ZC3H3: variants seen among roughly 807,000 people sequenced by gnomAD.
The protein encoded by ZC3H3 is zinc finger CCCH domain-containing protein 3.
Under a neutral mutation model 77.3 loss-of-function variants are expected in ZC3H3, and 36 were observed. The ratio of observed to expected loss-of-function variants is 0.47; its 90% CI spans 0.36 to 0.61. The LOEUF (loss-of-function observed/expected upper bound fraction) is 0.61, where lower values mean the gene tolerates loss of function less well. ZC3H3 is among the 20% of genes least tolerant of loss of function. The probability of loss-of-function intolerance (pLI) is 0.00; values close to 1 mark genes in which losing one functional copy is unlikely to be tolerated. For missense variants in ZC3H3, 1,331 were observed against 1,312.2 expected (o/e 1.01, Z -0.22); for synonymous variants, 626 against 555.2 (o/e 1.13, Z -1.79).
At chr8:143,540,223 T>C (rs1235225812) in intron 1 of ZC3H3, among the ~76,000 whole-genome samples, 1 of 152,236 alleles carries the variant, frequency 6.6e-6, no homozygotes, top group Non-Finnish European at 1.5e-5. Flanking sequence ...AAAGCTTTTT[T>C]TTGTTTGGTT....
rs1021593694 is a variant in ZC3H3 at position 143,533,283 on chromosome 8, G to A, written c.1561+2974C>T. 2.6e-5 allele frequency among the ~76,000 whole-genome samples: 4 copies of A among 152,174 alleles called. No homozygotes were observed. The South Asian group carries it at 6.2e-4, about 24-fold the overall frequency. On this transcript the variant is annotated intron_variant, in intron 3 of 11. Coordinates refer to ENST00000262577, the MANE Select transcript of ZC3H3 (RefSeq NM_015117.3). This position sits in a 1 kb window ranked among gnomAD's most constrained non-coding sequence, Gnocchi z 4.0. ...TTGTGCTCCAGAACACAGTAAGCTCGTTCCCACCTCCACCTCGGCCTCAGA... is the reference window on the plus strand; with the variant it reads ...TTGTGCTCCAGAACACAGTAAGCTCATTCCCACCTCCACCTCGGCCTCAGA...
In ZC3H3 at chr8:143,468,201, G is replaced by A. The variant is rs373134489; in HGVS notation, c.2175+8C>T. The A allele has an allele frequency of 2.4e-5, 39 of 1,610,002 alleles. No homozygotes were observed. The highest frequency in any genetic ancestry group is 1.8e-4 in the Admixed American group (11 of 59,898). On this transcript the variant is annotated splice_region_variant and intron_variant, in intron 8 of 11. Coordinates refer to ENST00000262577, the MANE Select transcript of ZC3H3 (RefSeq NM_015117.3). ...GCACGGGAGCAGGGCCACCAGCGCC[G>A]CACTCACCTTCTCCTTGGACACATG...
chr8:143,439,304 G>A (rs1819663800), intron 11 of ZC3H3, among the ~76,000 whole-genome samples: 1 of 152,184 alleles, frequency 6.6e-6, no homozygotes, highest in Non-Finnish European at 1.5e-5. Flanking sequence ...GCTCAGCGGA[G>A]CTGTTGCAGA....
Position 143,460,914 on chromosome 8 carries a change from C to T in ZC3H3, c.2307+4803G>A, listed in dbSNP as rs1487805103. Among the ~76,000 whole-genome samples the T allele has an allele frequency of 6.6e-6, 1 of 152,094 alleles. No individual in the cohort carries two copies. Among genetic ancestry groups the T allele is most frequent in the Non-Finnish European group, 1.5e-5 (1 of 68,026 alleles). ...ACTTAGAGGACATAGCTAGAGGAGG[C>T]GCCTTCACTAACTAGTTAGGTGTCT... is the stretch of plus-strand genomic sequence containing the variant. On this transcript the variant is annotated intron_variant, in intron 9 of 11. Transcript: ENST00000262577. The surrounding 1 kb of genome is among the most constrained non-coding windows in gnomAD (Gnocchi z 4.0).
intron 8 of ZC3H3, 111 bp downstream of exon 8, chr8:143,468,098 T>C (rs1820461783): frequency 4.5e-6 from 6 of 1,323,586 alleles, no homozygotes; most frequent in Non-Finnish European, 6.3e-6. Flanking sequence ...AGGGCAGGGA[T>C]CTGCATGTCC....
chr8:143,538,593 C>A lies in ZC3H3; in HGVS notation c.774G>T (p.Gln258His), dbSNP rs769077558. The change falls in exon 2 of 12, where the codon CAG becomes CAT. Residue 258 changes from glutamine (Q) to histidine (H), a missense_variant. Gln to His is a conservative substitution (Grantham distance 24). Transcript: ENST00000262577. ...GSHSVASCAP[Q>H]LLGDRRVDAG... The stretch of plus-strand genomic sequence containing the variant: ...CATCTACTCTCCTGTCCCCAAGGAG[C>A]TGTGGAGCACAGCTGGCCACGGAAT... The A allele has an allele frequency of 1.2e-6, 2 of 1,610,312 alleles. No individual in the cohort carries two copies. Among genetic ancestry groups the A allele is most frequent in the East Asian group, 4.5e-5 (2 of 44,880 alleles).
At position 143,472,799 on chromosome 8, in the gene ZC3H3, G is replaced by A. The variant is rs76270014; in HGVS notation, c.1903+2599C>T. ...CCCTCCGTGGGTCCCGCGGGTGCAC[G>A]GTGCAGGGAGAATCCCAAGGACGCA... On this transcript the variant is annotated intron_variant, in intron 5 of 11. Coordinates refer to ENST00000262577, the MANE Select transcript of ZC3H3 (RefSeq NM_015117.3). 4.6e-3 allele frequency among the ~76,000 whole-genome samples: 696 copies of A among 152,348 alleles called. 6 individuals carry two copies. The highest frequency in any genetic ancestry group is 0.016 in the African/African-American group (664 of 41,582).
intron 3 of ZC3H3, chr8:143,523,640 C>G: frequency 1.4e-6 from 1 of 712,052 alleles, no homozygotes; most frequent in Non-Finnish European, 1.7e-6. Context: ...CTTGGGCAGG[C>G]AGACCCTCTG....
chr8:143,497,353 C>G (rs744780), intron 4 of ZC3H3, among the ~76,000 whole-genome samples: 19,618 of 152,130 alleles, frequency 0.13, 1,859 homozygotes, highest in East Asian at 0.44. Context: ...CCAATCCCCC[C>G]CAACCCCGCC....
rs1820281738 is a variant in ZC3H3 at position 143,462,124 on chromosome 8, G to A, written c.2307+3593C>T. Among the ~76,000 whole-genome samples, 4 of 152,170 alleles carry A rather than the reference G, an allele frequency of 2.6e-5. No individual in the cohort carries two copies. The highest frequency in any genetic ancestry group is 4.4e-5 in the Non-Finnish European group (3 of 68,022). ...CAGCAAACGGCAGCCGACTTGTAGG[G>A]AGGCCTCCCTGTGCCAGGGCCACCC... is the stretch of plus-strand genomic sequence containing the variant. On this transcript the variant is annotated intron_variant, in intron 9 of 11. Transcript: ENST00000262577. This position sits in a 1 kb window ranked among gnomAD's most constrained non-coding sequence, Gnocchi z 4.7.
chr8:143,517,401 G>A (rs1195089694), intron 3 of ZC3H3, among the ~76,000 whole-genome samples: 1 of 152,182 alleles, frequency 6.6e-6, no homozygotes, highest in African/African-American at 2.4e-5. Context: ...GGGCAGGGGT[G>A]CAGAGGAGCA....
chr8:143,505,400 T>G (rs886750622), intron 4 of ZC3H3, among the ~76,000 whole-genome samples: 1 of 152,158 alleles, frequency 6.6e-6, no homozygotes, highest in Non-Finnish European at 1.5e-5. Context: ...CCTTTCTGCC[T>G]AAACAACCCC....
intron 4 of ZC3H3, among the ~76,000 whole-genome samples, chr8:143,502,593 G>A (rs950816325): frequency 6.6e-6 from 1 of 152,242 alleles, no homozygotes; most frequent in African/African-American, 2.4e-5. Context: ...AAAAGCCTCC[G>A]ATTCATCTGC....
intron 1 of ZC3H3, among the ~76,000 whole-genome samples, chr8:143,539,699 G>A (rs149604771): frequency 2.6e-4 from 40 of 152,302 alleles, no homozygotes; most frequent in African/African-American, 8.4e-4. Flanking sequence ...GAATCAGAGG[G>A]GACAAGTGGC....
rs1020795707 is a variant in ZC3H3 at position 143,493,569 on chromosome 8, G to A, written c.1715+14177C>T. 4.6e-5 allele frequency among the ~76,000 whole-genome samples: 7 copies of A among 152,194 alleles called. No individual in the cohort carries two copies. Among genetic ancestry groups the A allele is most frequent in the Admixed American group, 6.5e-5 (1 of 15,278 alleles). ...TGCCAAGGACTCCACTCACAAAGCC[G>A]AAAGGCCTGCCTGCCTCAAACAAAC... is the stretch of plus-strand genomic sequence containing the variant. On this transcript the variant is annotated intron_variant, in intron 4 of 11. Coordinates refer to ENST00000262577, the MANE Select transcript of ZC3H3 (RefSeq NM_015117.3). This position sits in a 1 kb window ranked among gnomAD's most constrained non-coding sequence, Gnocchi z 4.8.
chr8:143,528,101 C>T (rs940337347), intron 3 of ZC3H3, among the ~76,000 whole-genome samples: 16 of 152,304 alleles, frequency 1.1e-4, no homozygotes, highest in African/African-American at 3.6e-4. Context: ...AGTCTCCGGC[C>T]CCTCTGGCCC....
intron 4 of ZC3H3, among the ~76,000 whole-genome samples, chr8:143,502,433 G>A (rs926452069): frequency 1.3e-5 from 2 of 152,238 alleles, no homozygotes; most frequent in Admixed American, 6.5e-5. Flanking sequence ...TTGGAGAAGC[G>A]TTTCAGAGCC....
chr8:143,538,834 C>A lies in ZC3H3; in HGVS notation c.533G>T (p.Arg178Ile), dbSNP rs1037621716. ...TTCCACACTGCAGGTCCCCCTGGCT[C>A]TTGTTGGCCTCGAGGGCTGCAGCTG... Reference protein sequence around the residue: ...RGQLQPSRPTRARGTCSVEDP... With the variant: ...RGQLQPSRPTIARGTCSVEDP... The change falls in exon 2 of 12, where the codon AGA becomes ATA. Residue 178 changes from arginine (R) to isoleucine (I), a missense_variant. Around this residue, in one of 3 missense-constraint regions of ZC3H3, gnomAD observed 978 missense variants for 915.5 expected, o/e 1.07. Coordinates refer to ENST00000262577, the MANE Select transcript of ZC3H3 (RefSeq NM_015117.3). 1.9e-6 allele frequency: 3 copies of A among 1,612,152 alleles called. No homozygotes were observed. Among genetic ancestry groups the A allele is most frequent in the Non-Finnish European group, 2.5e-6 (3 of 1,179,682 alleles).
chr8:143,439,184 G>A (rs1219720932), intron 11 of ZC3H3, among the ~76,000 whole-genome samples: 1 of 152,112 alleles, frequency 6.6e-6, no homozygotes, highest in Non-Finnish European at 1.5e-5. Flanking sequence ...CCCAGATGGA[G>A]GGAGCGGGTG....
Sources: gnomAD v4.1 joint callset for allele counts (sites outside exome capture counted in the v4.1 genomes callset) on GRCh38, gnomAD v4.1.1 for gene constraint, gnomAD v4.1.1 regional missense constraint, Gnocchi (gnomAD v3.1) non-coding constraint, MANE v1.5 for transcripts, NCBI Gene and HGNC (gene_info 2026-07-23, HGNC 2026-07-21) for gene names.